The following NCS1 variants were observed in gnomAD, a reference collection of about 807,000 sequenced individuals.
NCS1 encodes neuronal calcium sensor 1.
Under a neutral mutation model 28.4 loss-of-function variants are expected in NCS1, and 6 were observed. The observed-to-expected ratio is 0.21, with a 90% CI of 0.12 to 0.42. The LOEUF (loss-of-function observed/expected upper bound fraction) is 0.42, where lower values mean the gene tolerates loss of function less well. NCS1 is among the 10% of genes least tolerant of loss of function. The pLI is 1.00. For synonymous variants in NCS1, 86 were observed against 99.3 expected, an observed-to-expected ratio of 0.87 and a Z score of 0.79; for missense variants, 131 against 241.4, an observed-to-expected ratio of 0.54 and a Z score of 3.03.
At chr9:130,227,947 C>T (rs1282133272) in intron 7 of NCS1, among the ~76,000 whole-genome samples, 1 of 152,094 alleles carries the variant, frequency 6.6e-6, no homozygotes, top group Non-Finnish European at 1.5e-5. Context: ...CAGCCATTGG[C>T]CAGGGCTGTG....
chr9:130,214,959 C>T (rs375817796), intron 2 of NCS1, among the ~76,000 whole-genome samples: 9 of 152,220 alleles, frequency 5.9e-5, no homozygotes, highest in Non-Finnish European at 8.8e-5. Context: ...ACTGTGCTGG[C>T]GCTGTGCACA....
intron 1 of NCS1, 105 bp from the exon 2 acceptor site, chr9:130,200,853 C>T (rs1466106282): frequency 1.6e-5 from 25 of 1,518,094 alleles, no homozygotes; most frequent in African/African-American, 1.1e-4. Context: ...GGGACATGGC[C>T]GTGGGGAGGG....
intron 1 of NCS1, among the ~76,000 whole-genome samples, chr9:130,179,517 A>G (rs1050377553): frequency 6.6e-6 from 1 of 152,224 alleles, no homozygotes; most frequent in African/African-American, 2.4e-5. Context: ...TTTCTTGAAG[A>G]TAAGAACCCA....
intron 7 of NCS1, among the ~76,000 whole-genome samples, chr9:130,228,835 A>C (rs1205383725): frequency 6.6e-6 from 1 of 151,200 alleles, no homozygotes; most frequent in Non-Finnish European, 1.5e-5. Flanking sequence ...GCGCCTGGCT[A>C]ATTTTTCCAT....
intron 2 of NCS1, among the ~76,000 whole-genome samples, chr9:130,210,407 A>G (rs1483297571): frequency 6.6e-6 from 1 of 150,730 alleles, no homozygotes; most frequent in Non-Finnish European, 1.5e-5. Context: ...TTAGAAAAAA[A>G]AAAAAAAAGA....
At chr9:130,210,551 G>A (rs782599586) in intron 2 of NCS1, among the ~76,000 whole-genome samples, 4 of 152,124 alleles carry the variant, frequency 2.6e-5, no homozygotes, top group East Asian at 1.9e-4. Context: ...TGGTGTTTGT[G>A]GAGGTCGTAG....
At position 130,191,936 on chromosome 9, in the gene NCS1, T is replaced by A. The variant is rs1471957663; in HGVS notation, c.65-9022T>A. On this transcript the variant is annotated intron_variant, in intron 1 of 7. Transcript: ENST00000372398. This position sits in a 1 kb window ranked among gnomAD's most constrained non-coding sequence, Gnocchi z 6.4. ...GGAGGCTGGGACACCACTCCCACAG[T>A]GGGGACACGTGATGGGGGGCTGGAG... is the stretch of plus-strand genomic sequence containing the variant. Among the ~76,000 whole-genome samples, 2 of 152,076 alleles carry A rather than the reference T, an allele frequency of 1.3e-5. No individual in the cohort carries two copies. The highest frequency in any genetic ancestry group is 2.9e-5 in the Non-Finnish European group (2 of 67,996).
Position 130,219,782 on chromosome 9 carries a change from A to C in NCS1, c.286A>C (p.Thr96Pro), listed in dbSNP as rs781992391. 1 of 1,614,152 alleles carries C rather than the reference A, an allele frequency of 6.2e-7. No individual in the cohort carries two copies. Residue 96 changes from threonine to proline, a missense_variant, in exon 4 of 8, where the codon ACC (threonine) becomes CCC (proline). Physicochemically the swap from Thr to Pro is conservative, Grantham distance 38 (BLOSUM62 -1). This residue lies in a region of NCS1 where 100 missense variants were observed against 210.3 expected (regional missense o/e 0.48). Transcript: ENST00000372398. This position sits in a 1 kb window ranked among gnomAD's most constrained non-coding sequence, Gnocchi z 5.7. ...GGCGCTGTCGGTGACCTCACGGGGA[A>C]CCCTGGATGAGAAGCTACGGTGTAA... ...IQALSVTSRG[T>P]LDEKLRWAFK...
chr9:130,215,196 C>A lies in NCS1; in HGVS notation c.90-2636C>A, dbSNP rs1467860572. 6.6e-6 allele frequency among the ~76,000 whole-genome samples: 1 copy of A among 152,164 alleles called. No homozygotes were observed. The highest frequency in any genetic ancestry group is 1.5e-5 in the Non-Finnish European group (1 of 68,032). ...CCACATGGGTCATTAAGTCCTGGTG[C>A]CAGGCATGTTCCCTCCTCTGCCCAG... On this transcript the variant is annotated intron_variant, in intron 2 of 7. Coordinates refer to ENST00000372398, the MANE Select transcript of NCS1 (RefSeq NM_014286.4). This position sits in a 1 kb window ranked among gnomAD's most constrained non-coding sequence, Gnocchi z 4.2.
At chr9:130,174,557 A>G (rs1019285387) in intron 1 of NCS1, among the ~76,000 whole-genome samples, 2 of 152,142 alleles carry the variant, frequency 1.3e-5, no homozygotes, top group South Asian at 4.1e-4. Context: ...CTTCTGGGCC[A>G]GGCACAGTGG....
At position 130,226,548 on chromosome 9, in the gene NCS1, G is replaced by C; in HGVS notation, c.*17+44G>C. On this transcript the variant is annotated intron_variant, in intron 7 of 7. Transcript: ENST00000372398. This position sits in a 1 kb window ranked among gnomAD's most constrained non-coding sequence, Gnocchi z 4.8. ...CCTGGGGTGGGTCTGGGATGGGTCA[G>C]GGGTGAAAACCCAGCAGCAGGACAC... 3.4e-6 allele frequency: 5 copies of C among 1,456,336 alleles called. No homozygotes were observed. The highest frequency in any genetic ancestry group is 3.8e-6 in the Non-Finnish European group (4 of 1,052,520). The allele number at this position is 1,456,336 out of a possible 1,614,324, so 90.2% of individuals were successfully genotyped here.
Position 130,174,820 on chromosome 9 carries a change from GTC to G in NCS1, c.64+2095_64+2096del, listed in dbSNP as rs1249046761. Among the ~76,000 whole-genome samples, 3 of 139,430 alleles carry G rather than the reference GTC, an allele frequency of 2.2e-5. No homozygotes were observed. In the East Asian group the frequency reaches 7.1e-4, roughly 33 times the overall value. The allele number at this position is 139,430 out of a possible 152,430, so 91.5% of individuals were successfully genotyped here. On this transcript the variant is annotated intron_variant, in intron 1 of 7. Transcript: ENST00000372398. Reference sequence around the variant, plus strand: ...AAAAAAAAAAAAAGCTCTGCTGGGTGTCTTTTTCTGGCTTTTGCTAGAAGCCC... The same window carrying G: ...AAAAAAAAAAAAAGCTCTGCTGGGTGTTTTTCTGGCTTTTGCTAGAAGCCC...
At position 130,198,768 on chromosome 9, in the gene NCS1, C is replaced by T. The variant is rs548040991; in HGVS notation, c.65-2190C>T. On this transcript the variant is annotated intron_variant, in intron 1 of 7. Coordinates refer to ENST00000372398, the MANE Select transcript of NCS1 (RefSeq NM_014286.4). The stretch of plus-strand genomic sequence containing the variant: ...AAGGACACACAGTGCCCTGTGGGGC[C>T]GGATTTGAACCCAGGCGGTCTGGTC... Among the ~76,000 whole-genome samples the T allele has an allele frequency of 4.6e-5, 7 of 152,272 alleles. No individual in the cohort carries two copies. In the South Asian group the frequency reaches 8.3e-4, roughly 18 times the overall value.
intron 2 of NCS1, among the ~76,000 whole-genome samples, chr9:130,206,465 G>GTGGCA (rs1833025676): frequency 6.7e-6 from 1 of 149,188 alleles, no homozygotes; most frequent in Non-Finnish European, 1.5e-5. Context: ...CTAGAGTGCA[G>GTGGCA]TGGCACGATC....
intron 1 of NCS1, among the ~76,000 whole-genome samples, chr9:130,196,671 G>A (rs12349810): frequency 0.063 from 9,591 of 152,142 alleles, 1,011 homozygotes; most frequent in African/African-American, 0.22. Context: ...CCCTGGAGGC[G>A]GAGGTTGCAG....
Position 130,192,017 on chromosome 9 carries a change from C to T in NCS1, c.65-8941C>T, listed in dbSNP as rs536987462. Among the ~76,000 whole-genome samples, 26 of 152,258 alleles carry T rather than the reference C, an allele frequency of 1.7e-4. No individual in the cohort carries two copies. The highest frequency in any genetic ancestry group is 9.7e-4 in the East Asian group (5 of 5,162). On this transcript the variant is annotated intron_variant, in intron 1 of 7. Transcript: ENST00000372398. This position sits in a 1 kb window ranked among gnomAD's most constrained non-coding sequence, Gnocchi z 4.8. Reference sequence around the variant, plus strand: ...GGGTCAGGGCGAGGGGCTCCTGCAGCGGCTTTGCTCAGCCAGGAGTGCCCG... The same window carrying T: ...GGGTCAGGGCGAGGGGCTCCTGCAGTGGCTTTGCTCAGCCAGGAGTGCCCG...
rs782781206 is a variant in NCS1 at position 130,191,147 on chromosome 9, C to T, written c.65-9811C>T. The stretch of plus-strand genomic sequence containing the variant: ...GCCCCTGACAGCGGGGCAGGGAGCA[C>T]GCTGACCCAGGCCACGTGGCGACTG... On this transcript the variant is annotated intron_variant, in intron 1 of 7. Coordinates refer to ENST00000372398, the MANE Select transcript of NCS1 (RefSeq NM_014286.4). The surrounding 1 kb of genome is among the most constrained non-coding windows in gnomAD (Gnocchi z 6.4). Among the ~76,000 whole-genome samples the T allele has an allele frequency of 1.3e-5, 2 of 152,186 alleles. No individual in the cohort carries two copies. Among genetic ancestry groups the T allele is most frequent in the African/African-American group, 2.4e-5 (1 of 41,454 alleles).
intron 2 of NCS1, among the ~76,000 whole-genome samples, chr9:130,207,542 A>G (rs1380250480): frequency 3.9e-5 from 6 of 152,216 alleles, no homozygotes; most frequent in African/African-American, 1.4e-4. Flanking sequence ...TCTGTCCTGT[A>G]CAATCTAGGG....
intron 2 of NCS1, 43 bp downstream of exon 2, chr9:130,201,025 G>T: frequency 6.2e-7 from 1 of 1,612,880 alleles, no homozygotes; most frequent in Non-Finnish European, 8.5e-7. Context: ...GGCTGCGGCT[G>T]TGGGCTTTGT....
Sources: allele counts gnomAD v4.1 joint callset (sites outside exome capture counted in the v4.1 genomes callset), GRCh38; gene constraint gnomAD v4.1.1; regional missense constraint gnomAD v4.1.1; non-coding constraint Gnocchi (gnomAD v3.1); transcripts MANE v1.5; gene names NCBI Gene and HGNC (gene_info 2026-07-23, HGNC 2026-07-21).